Variants in PRDM5 observed in about 807,000 individuals in gnomAD.
PRDM5 encodes PR/SET domain 5.
A neutral mutation model predicts 81.2 loss-of-function variants in PRDM5; 56 were observed. The ratio of observed to expected loss-of-function variants is 0.69; its 90% CI spans 0.56 to 0.86. PRDM5 has a LOEUF of 0.86. Among genes scored for constraint, PRDM5 ranks in the 40% least tolerant of loss-of-function variants. The pLI, the probability that PRDM5 is intolerant of heterozygous loss-of-function variation, is 0.00. For synonymous variants in PRDM5, 267 were observed against 256.4 expected (o/e 1.04, Z -0.39); for missense variants, 697 against 770.1 (o/e 0.91, Z 1.12).
chr4:120,800,160 A>G (rs760525054), intron 8 of PRDM5, among the ~76,000 whole-genome samples: 7 of 152,176 alleles, frequency 4.6e-5, no homozygotes, highest in Non-Finnish European at 8.8e-5. Flanking sequence ...AGAGAGTGCA[A>G]CATTAATTAC....
At chr4:120,856,488 C>T (rs1008479664) in intron 2 of PRDM5, among the ~76,000 whole-genome samples, 2 of 152,172 alleles carry the variant, frequency 1.3e-5, no homozygotes, top group African/African-American at 4.8e-5. Context: ...AGTGGCTGGC[C>T]ATTTCCTCAT....
At chr4:120,691,123 T>C (rs1252625341), downstream of PRDM5, among the ~76,000 whole-genome samples, 8 of 152,140 alleles carry the variant, frequency 5.3e-5, no homozygotes, top group Non-Finnish European at 1.0e-4. Flanking sequence ...AAGAATTTTT[T>C]TAAAAAAGGA....
At chr4:120,710,805 T>A (rs1736856648) in intron 14 of PRDM5, among the ~76,000 whole-genome samples, 2 of 152,154 alleles carry the variant, frequency 1.3e-5, no homozygotes, top group Non-Finnish European at 2.9e-5. Flanking sequence ...TCCTGAGCTC[T>A]CCCCAGCCAT....
chr4:120,729,717 G>A lies in PRDM5; in HGVS notation c.1624-19304C>T, dbSNP rs548447344. 2.6e-5 allele frequency among the ~76,000 whole-genome samples: 4 copies of A among 152,304 alleles called. No homozygotes were observed. In the South Asian group the frequency reaches 6.2e-4, roughly 24 times the overall value. ...TTTCCCTTATTATAATGTATTACAAGGGACATGAAATATCTCTTCCTGGTG... is the reference window on the plus strand; with the variant it reads ...TTTCCCTTATTATAATGTATTACAAAGGACATGAAATATCTCTTCCTGGTG... On this transcript the variant is annotated intron_variant, in intron 14 of 15. Transcript: ENST00000264808.
chr4:120,800,051 T>C (rs1167651547), intron 8 of PRDM5, among the ~76,000 whole-genome samples: 6 of 152,232 alleles, frequency 3.9e-5, no homozygotes, highest in Non-Finnish European at 8.8e-5. Context: ...TAGTAACTCT[T>C]CTGTTATGCA....
chr4:120,802,200 C>T (rs151067663), intron 8 of PRDM5, among the ~76,000 whole-genome samples: 52 of 152,284 alleles, frequency 3.4e-4, no homozygotes, highest in African/African-American at 1.3e-3. Context: ...TGTGCATTGA[C>T]TATCTCATTT....
At position 120,884,020 on chromosome 4, in the gene PRDM5, G is replaced by GA. The variant is rs564428250; in HGVS notation, c.177+23453dup. On this transcript the variant is annotated intron_variant, in intron 2 of 15. Transcript: ENST00000264808. ...GTATAAATCTTAATAAAACTGCTAT[G>GA]AAAAATTCACAAATGCCCCCTGCAT... 9.9e-5 allele frequency among the ~76,000 whole-genome samples: 15 copies of GA among 152,170 alleles called. No individual in the cohort carries two copies. The East Asian group carries it at 2.9e-3, about 29-fold the overall frequency.
intron 11 of PRDM5, among the ~76,000 whole-genome samples, chr4:120,781,887 T>C (rs1749088597): frequency 6.6e-6 from 1 of 152,194 alleles, no homozygotes; most frequent in African/African-American, 2.4e-5. Context: ...CTTGGGCAGT[T>C]GGAAAAAGTC....
chr4:120,829,509 A>G (rs933309081), intron 3 of PRDM5, among the ~76,000 whole-genome samples: 3 of 152,098 alleles, frequency 2.0e-5, no homozygotes, highest in African/African-American at 7.2e-5. Flanking sequence ...CAGTTCTGCT[A>G]TTTCAAAACA....
intron 3 of PRDM5, among the ~76,000 whole-genome samples, chr4:120,833,465 G>A (rs1389849393): frequency 6.6e-6 from 1 of 151,968 alleles, no homozygotes; most frequent in Non-Finnish European, 1.5e-5. Context: ...AAAAGAAGTT[G>A]TAAAATGCTT....
intron 13 of PRDM5, among the ~76,000 whole-genome samples, chr4:120,760,984 C>A (rs1745527546): frequency 6.6e-6 from 1 of 152,156 alleles, no homozygotes; most frequent in Non-Finnish European, 1.5e-5. Flanking sequence ...AAGGACTTAG[C>A]TAAAGTCATT....
At chr4:120,739,492 A>G (rs889685116) in intron 14 of PRDM5, among the ~76,000 whole-genome samples, 20 of 152,288 alleles carry the variant, frequency 1.3e-4, no homozygotes, top group African/African-American at 4.8e-4. Context: ...CATTTAAAAA[A>G]CTGTAGAAAA....
chr4:120,704,077 T>G (rs1221135657), intron 15 of PRDM5, among the ~76,000 whole-genome samples: 1 of 152,126 alleles, frequency 6.6e-6, no homozygotes, highest in East Asian at 1.9e-4. Flanking sequence ...GAAAGGAAGT[T>G]GAGCAAGATG....
intron 3 of PRDM5, among the ~76,000 whole-genome samples, chr4:120,832,374 C>T (rs561533829): frequency 6.6e-6 from 1 of 152,084 alleles, no homozygotes; most frequent in Non-Finnish European, 1.5e-5. Flanking sequence ...ATTATCTCTA[C>T]CTGATTCCTC....
intron 3 of PRDM5, among the ~76,000 whole-genome samples, chr4:120,852,894 G>A (rs973509328): frequency 6.7e-6 from 1 of 150,232 alleles, no homozygotes; most frequent in Admixed American, 6.6e-5. Context: ...TGACCTCTCG[G>A]GCTCAAGTGA....
intron 2 of PRDM5, among the ~76,000 whole-genome samples, chr4:120,882,250 C>T (rs1443516011): frequency 6.6e-6 from 1 of 152,170 alleles, no homozygotes; most frequent in Non-Finnish European, 1.5e-5. Flanking sequence ...CGGGTTCAAG[C>T]GATTCTCCTG....
At chr4:120,782,127 T>C (rs3804167) in intron 11 of PRDM5, among the ~76,000 whole-genome samples, 30,175 of 152,194 alleles carry the variant, frequency 0.2, 3,660 homozygotes, top group Non-Finnish European at 0.28. Context: ...CCATTTTAAA[T>C]ACAATTTCAG....
chr4:120,848,318 T>A (rs1758880185), intron 3 of PRDM5, among the ~76,000 whole-genome samples: 1 of 152,176 alleles, frequency 6.6e-6, no homozygotes, highest in Non-Finnish European at 1.5e-5. Context: ...ACATGAAAGA[T>A]TTTTAAGATC....
chr4:120,719,612 T>A (rs1392539433), intron 14 of PRDM5, among the ~76,000 whole-genome samples: 1 of 152,220 alleles, frequency 6.6e-6, no homozygotes. Context: ...TAAAGATGTC[T>A]ACGTCATAAT....
Sources: allele counts gnomAD v4.1 joint callset (sites outside exome capture counted in the v4.1 genomes callset), GRCh38; gene constraint gnomAD v4.1.1; transcripts MANE v1.5; gene names NCBI Gene and HGNC (gene_info 2026-07-23, HGNC 2026-07-21).